The following ART3 variants were observed in gnomAD, a reference collection of about 807,000 sequenced individuals.
ART3 encodes the protein ecto-ADP-ribosyltransferase 3.
A neutral mutation model predicts 48.5 loss-of-function variants in ART3; 49 were observed. The ratio of observed to expected loss-of-function variants is 1.01; its 90% confidence interval spans 0.80 to 1.28. The LOEUF is 1.28. Ranked by LOEUF, ART3 falls within the 50% of genes most tolerant of loss-of-function variation. The pLI, the probability that ART3 is intolerant of heterozygous loss-of-function variation, is 0.00. For synonymous variants in ART3, 145 were observed against 157.2 expected (o/e 0.92, Z 0.58); for missense variants, 438 against 454.3 (o/e 0.96, Z 0.33).
intron 1 of ART3, among the ~76,000 whole-genome samples, chr4:76,069,697 C>G (rs1414718870): frequency 6.6e-6 from 1 of 151,970 alleles, no homozygotes; most frequent in Non-Finnish European, 1.5e-5. Context: ...GCCTTAATTC[C>G]TTTTTATTGT....
chr4:76,028,467 T>C (rs1418555782), intron 1 of ART3, among the ~76,000 whole-genome samples: 2 of 152,108 alleles, frequency 1.3e-5, no homozygotes, highest in South Asian at 4.1e-4. Flanking sequence ...AAGACAACAA[T>C]GAAAAAAGGA....
Position 76,100,931 on chromosome 4 carries a change from G to A in ART3, c.908-59G>A, listed in dbSNP as rs556564453. ...TGAAAATAATTTTGCTGTAGCTATA[G>A]TAACTGCCAATTCTTTTGTTCCATT... On this transcript the variant is annotated intron_variant, in intron 7 of 11. Coordinates refer to ENST00000355810, the MANE Select transcript of ART3 (RefSeq NM_001130016.3). The A allele has an allele frequency of 2.0e-5, 32 of 1,607,708 alleles. No homozygotes were observed. The South Asian group carries it at 3.3e-4, about 17-fold the overall frequency.
At chr4:76,023,469 A>T (rs1733078194) in intron 1 of ART3, 1 of 1,576,426 alleles carries the variant, frequency 6.3e-7, no homozygotes, top group Non-Finnish European at 8.7e-7. Flanking sequence ...GTAGGCTCAG[A>T]ATATGTCTAA....
chr4:76,083,351 G>T (rs543855021), intron 3 of ART3, among the ~76,000 whole-genome samples: 1 of 152,192 alleles, frequency 6.6e-6, no homozygotes, highest in Non-Finnish European at 1.5e-5. Flanking sequence ...GTTATTTCTT[G>T]GTTTTTAAAT....
At chr4:76,052,941 CTGGT>C (rs1736276363) in intron 1 of ART3, among the ~76,000 whole-genome samples, 1 of 152,030 alleles carries the variant, frequency 6.6e-6, no homozygotes, top group Non-Finnish European at 1.5e-5. Flanking sequence ...GTTGGCAAGG[CTGGT>C]CTCAAACTCC....
intron 1 of ART3, among the ~76,000 whole-genome samples, chr4:76,043,500 C>T (rs967375739): frequency 1.2e-4 from 18 of 152,124 alleles, no homozygotes; most frequent in Non-Finnish European, 2.2e-4. Context: ...CTGGGGGACC[C>T]AGTACACCCT....
At chr4:76,040,479 C>T (rs901529259) in intron 1 of ART3, among the ~76,000 whole-genome samples, 23 of 149,862 alleles carry the variant, frequency 1.5e-4, no homozygotes, top group African/African-American at 4.9e-4. Context: ...CACACACACA[C>T]ATTTCGCCTA....
intron 8 of ART3, among the ~76,000 whole-genome samples, chr4:76,103,319 T>C (rs2149689758): frequency 6.6e-6 from 1 of 152,106 alleles, no homozygotes; most frequent in Non-Finnish European, 1.5e-5. Flanking sequence ...ATCGTGTCAT[T>C]GTACCCCACC....
intron 3 of ART3, among the ~76,000 whole-genome samples, chr4:76,087,558 A>G (rs189113102): frequency 1.2e-4 from 18 of 152,314 alleles, no homozygotes; most frequent in African/African-American, 3.4e-4. Context: ...CAATGTTTCT[A>G]AAAGGGGTAA....
chr4:76,023,218 A>G (rs1173204263), intron 1 of ART3, among the ~76,000 whole-genome samples: 1 of 151,976 alleles, frequency 6.6e-6, no homozygotes, highest in Non-Finnish European at 1.5e-5. Context: ...CAATTCATAT[A>G]AGTTTTATGA....
chr4:76,035,052 T>G, intron 1 of ART3: 1 of 1,612,648 alleles, frequency 6.2e-7, no homozygotes, highest in South Asian at 1.1e-5. Flanking sequence ...CTTACTTTGA[T>G]TATAAGCCTT....
chr4:76,030,103 C>T lies in ART3; in HGVS notation c.-10+18783C>T, dbSNP rs114407706. 5.7e-3 allele frequency among the ~76,000 whole-genome samples: 875 copies of T among 152,306 alleles called. 20 individuals are homozygous for T. The highest frequency in any genetic ancestry group is 0.02 in the African/African-American group (832 of 41,550). ...GGAGTCTCGCTCTATGTAGCCCAGG[C>T]TGGAGTGCAATGACGCGATCTCGGC... On this transcript the variant is annotated intron_variant, in intron 1 of 9. Transcript: ENST00000341029.
chr4:76,106,224 A>G, intron 10 of ART3: 1 of 985,380 alleles, frequency 1.0e-6, no homozygotes, highest in Non-Finnish European at 1.2e-6. Context: ...AAACAGATTT[A>G]GTTATCCACT....
chr4:76,095,713 A>T (rs1725854358), intron 3 of ART3, among the ~76,000 whole-genome samples: 1 of 152,204 alleles, frequency 6.6e-6, no homozygotes, highest in Non-Finnish European at 1.5e-5. Flanking sequence ...ATTCTGAAGT[A>T]TGTGGCTGGA....
At chr4:76,014,660 A>G (rs1732101625) in intron 1 of ART3, among the ~76,000 whole-genome samples, 1 of 152,200 alleles carries the variant, frequency 6.6e-6, no homozygotes, top group Non-Finnish European at 1.5e-5. Flanking sequence ...AAAACTAACG[A>G]AATCCAATGA....
At chr4:76,035,419 G>T (rs1001939834) in intron 1 of ART3, 1 of 1,464,414 alleles carries the variant, frequency 6.8e-7, no homozygotes, top group South Asian at 1.3e-5. Context: ...GGTGGTGAAC[G>T]TGAGCAGAAT....
chr4:76,054,833 A>AAAAT (rs1385112465), intron 1 of ART3, among the ~76,000 whole-genome samples: 15 of 152,218 alleles, frequency 9.9e-5, no homozygotes, highest in Admixed American at 7.2e-4. Flanking sequence ...ACCCTGTCTC[A>AAAAT]AAATAAATAA....
intron 1 of ART3, among the ~76,000 whole-genome samples, chr4:76,033,094 A>G (rs1035014541): frequency 1.3e-5 from 2 of 152,176 alleles, no homozygotes; most frequent in Admixed American, 6.5e-5. Flanking sequence ...GAGTACTGCT[A>G]TCAGTCAAGG....
chr4:76,020,419 A>G (rs1416404675), intron 1 of ART3, among the ~76,000 whole-genome samples: 1 of 152,094 alleles, frequency 6.6e-6, no homozygotes, highest in Non-Finnish European at 1.5e-5. Context: ...TTTTTGATCT[A>G]TGGGAATTCT....
Sources: gnomAD v4.1 joint callset for allele counts (sites outside exome capture counted in the v4.1 genomes callset) on GRCh38, gnomAD v4.1.1 for gene constraint, MANE v1.5 for transcripts, NCBI Gene and HGNC (gene_info 2026-07-23, HGNC 2026-07-21) for gene names.